CLCN1: variants seen among roughly 807,000 people sequenced by gnomAD.
CLCN1 encodes the protein chloride channel protein 1.
CLCN1 carries 100 observed loss-of-function variants against 114.5 expected under a neutral mutation model. The observed-to-expected ratio is 0.87, with a 90% CI of 0.74 to 1.03. The LOEUF (loss-of-function observed/expected upper bound fraction) is 1.03. Ranked by LOEUF, CLCN1 falls within the 50% of genes least tolerant of loss-of-function variation. The pLI is 0.00. For synonymous variants in CLCN1, 485 were observed against 487.1 expected, an observed-to-expected ratio of 1.00 and a Z score of 0.06; for missense variants, 1,188 against 1,250.0, an observed-to-expected ratio of 0.95 and a Z score of 0.75.
In CLCN1 at chr7:143,352,016, G is replaced by A. The variant is rs1803428669; in HGVS notation, c.*51G>A. 1 of 1,610,746 alleles carries A rather than the reference G, an allele frequency of 6.2e-7. No individual in the cohort carries two copies. The highest frequency in any genetic ancestry group is 8.5e-7 in the Non-Finnish European group (1 of 1,178,928). Reference sequence around the variant, plus strand: ...GACCGTGGAGAGGCCCAGCCTGAGGGTGAACTTGTGTGGGGCAGGGTGCGT... The same window carrying A: ...GACCGTGGAGAGGCCCAGCCTGAGGATGAACTTGTGTGGGGCAGGGTGCGT... On this transcript the variant is annotated 3_prime_UTR_variant, in exon 23 of 23. Coordinates refer to ENST00000343257, the MANE Select transcript of CLCN1 (RefSeq NM_000083.3).
chr7:143,350,623 G>A lies in CLCN1; in HGVS notation c.2564G>A (p.Gly855Glu), dbSNP rs1554439879. The A allele has an allele frequency of 6.2e-7, 1 of 1,614,162 alleles. No individual in the cohort carries two copies. Among genetic ancestry groups the A allele is most frequent in the Non-Finnish European group, 8.5e-7 (1 of 1,180,026 alleles). ...GLHLAYVTSM[G>E]KLRGVLALEE... ...CACCTCGCTTACGTGACCAGCATGG[G>A]GAAGCTCAGGGGCGTCCTGGCCCTG... Residue 855 changes from glycine to glutamate, a missense_variant, in exon 22 of 23, where the codon GGG becomes GAG. Transcript: ENST00000343257. This position sits in a 1 kb window ranked among gnomAD's most constrained non-coding sequence, Gnocchi z 5.1.
chr7:143,337,807 C>CTTTTTTTTTTTT (rs869078445), intron 12 of CLCN1, among the ~76,000 whole-genome samples: 3 of 46,078 alleles, frequency 6.5e-5, no homozygotes, highest in Non-Finnish European at 1.2e-4. Context: ...TTTCTCAATT[C>CTTTTTTTTTTTT]TTTTTTTTTT....
chr7:143,332,539 A>G, intron 11 of CLCN1, 36 bp downstream of exon 11: 1 of 1,564,308 alleles, frequency 6.4e-7, no homozygotes, highest in African/African-American at 1.4e-5. Flanking sequence ...TAAAGAGGAA[A>G]CAGCACAGAT....
chr7:143,331,529 A>G (rs529033602), intron 9 of CLCN1, 22 bp from the exon 10 acceptor site: 4 of 1,543,300 alleles, frequency 2.6e-6, no homozygotes, highest in African/African-American at 2.7e-5. Flanking sequence ...TAAGATTCCA[A>G]CTCTATAAAT....
rs1279308253 is a variant in CLCN1 at position 143,350,934 on chromosome 7, C to T, written c.2595+280C>T. Among the ~76,000 whole-genome samples, 4 of 152,098 alleles carry T rather than the reference C, an allele frequency of 2.6e-5. No individual in the cohort carries two copies. The highest frequency in any genetic ancestry group is 5.9e-5 in the Non-Finnish European group (4 of 68,030). On this transcript the variant is annotated intron_variant, in intron 22 of 22. Transcript: ENST00000343257. This position sits in a 1 kb window ranked among gnomAD's most constrained non-coding sequence, Gnocchi z 5.1. ...CTGGGATTACAGGCGCCCGCTACCA[C>T]ACCCGCTAATTTTTTGTATTTTTAG...
chr7:143,338,964 G>A (rs554040755), intron 12 of CLCN1, among the ~76,000 whole-genome samples: 1 of 152,302 alleles, frequency 6.6e-6, no homozygotes, highest in East Asian at 1.9e-4. Context: ...GTACTCCGGG[G>A]CTCCATTCCT....
chr7:143,333,895 C>T (rs1034791324), intron 12 of CLCN1, among the ~76,000 whole-genome samples: 1 of 152,124 alleles, frequency 6.6e-6, no homozygotes, highest in Non-Finnish European at 1.5e-5. Context: ...TTTATTTCTA[C>T]CCCTGGTTGT....
rs539404339 is a variant in CLCN1, at chr7:143,346,170, A to G, written c.2203A>G (p.Thr735Ala). ...TCCTTCCCTTGCTCTCCACCCCTCTACTACTGCCCCTCTGTCCCCAGAAGA... is the reference window on the plus strand; with the variant it reads ...TCCTTCCCTTGCTCTCCACCCCTCTGCTACTGCCCCTCTGTCCCCAGAAGA... Reference protein sequence around the residue: ...LPPSLALHPSTTAPLSPEEPN... With the variant: ...LPPSLALHPSATAPLSPEEPN... The change falls in exon 18 of 23, where the codon ACT becomes GCT. Residue 735 changes from threonine (T) to alanine (A), a missense_variant. Thr to Ala is a moderately conservative substitution (Grantham distance 58, BLOSUM62 0). Transcript: ENST00000343257. 1.9e-6 allele frequency: 3 copies of G among 1,612,528 alleles called. No individual in the cohort carries two copies. The highest frequency in any genetic ancestry group is 2.5e-6 in the Non-Finnish European group (3 of 1,178,874).
At chr7:143,337,658 G>A (rs1452007828) in intron 12 of CLCN1, among the ~76,000 whole-genome samples, 1 of 152,070 alleles carries the variant, frequency 6.6e-6, no homozygotes, top group African/African-American at 2.4e-5. Context: ...TAATAAGTTT[G>A]AGATCCATTT....
In CLCN1 at chr7:143,331,595, G is replaced by C. The variant is rs143009041; in HGVS notation, c.1109G>C (p.Arg370Pro). 6.2e-7 allele frequency: 1 copy of C among 1,614,054 alleles called. No homozygotes were observed. Among genetic ancestry groups the C allele is most frequent in the Admixed American group, 1.7e-5 (1 of 60,018 alleles). ...GGAGCTGTATTTGTGTATCTGCATC[G>C]CCAAGTCATGCTCGGTGTCCGAAAG... ...LLGAVFVYLHRQVMLGVRKHK... is the reference protein window; with the variant it reads ...LLGAVFVYLHPQVMLGVRKHK... The change falls in exon 10 of 23, where the codon CGC (arginine) becomes CCC (proline). Residue 370 changes from arginine to proline, a missense_variant. Coordinates refer to ENST00000343257, the MANE Select transcript of CLCN1 (RefSeq NM_000083.3).
At position 143,330,813 on chromosome 7, in the gene CLCN1, G is replaced by A. The variant is rs202179484; in HGVS notation, c.895G>A (p.Val299Ile). ...SIEVTSTYFA[V>I]RNYWRGFFAA... The stretch of plus-strand genomic sequence containing the variant: ...CGAGGTCACCTCCACCTACTTTGCT[G>A]TTCGGAACTACTGGAGAGGATTCTT... Residue 299 changes from valine (V) to isoleucine (I), a missense_variant, in exon 8 of 23, where the codon GTT (valine) becomes ATT (isoleucine). Coordinates refer to ENST00000343257, the MANE Select transcript of CLCN1 (RefSeq NM_000083.3). 6.2e-7 allele frequency: 1 copy of A among 1,614,204 alleles called. No individual in the cohort carries two copies. Among genetic ancestry groups the A allele is most frequent in the East Asian group, 2.2e-5 (1 of 44,884 alleles).
chr7:143,336,843 T>A (rs916464041), intron 12 of CLCN1, among the ~76,000 whole-genome samples: 1 of 152,296 alleles, frequency 6.6e-6, no homozygotes, highest in Admixed American at 6.5e-5. Flanking sequence ...TACACATATC[T>A]TGGAGGATAA....
rs1045456680 is a variant in CLCN1 at position 143,339,468 on chromosome 7, C to T, written c.1472-43C>T. ...GGTTCTGAAAACTGAGAGCAAGGAA[C>T]TTGGATCTCGTAACACCTTCCTTCC... is the stretch of plus-strand genomic sequence containing the variant. On this transcript the variant is annotated intron_variant, in intron 13 of 22. Coordinates refer to ENST00000343257, the MANE Select transcript of CLCN1 (RefSeq NM_000083.3). This position sits in a 1 kb window ranked among gnomAD's most constrained non-coding sequence, Gnocchi z 4.1. 2 of 1,511,000 alleles carry T rather than the reference C, an allele frequency of 1.3e-6. No homozygotes were observed. The highest frequency in any genetic ancestry group is 2.7e-5 in the African/African-American group (2 of 72,828). 93.6% of individuals were successfully genotyped at this position (1,511,000 alleles called of 1,614,324 possible).
Position 143,316,239 on chromosome 7 carries a change from TG to T in CLCN1, c.32del (p.Gly11ValfsTer66). The T allele has an allele frequency of 6.2e-7, 1 of 1,613,244 alleles. No homozygotes were observed. Among genetic ancestry groups the T allele is most frequent in the Non-Finnish European group, 8.5e-7 (1 of 1,179,668 alleles). ...TGGAGCAATCCCGGTCACAGCAGCGTGGGGGTGAACAAAGCTGGTGGGGTAG... is the reference window on the plus strand; with the variant it reads ...TGGAGCAATCCCGGTCACAGCAGCGTGGGGTGAACAAAGCTGGTGGGGTAG... MEQSRSQQR[G>X]GEQSWWGSDP... On this transcript the variant is annotated frameshift_variant, in exon 1 of 23. Coordinates refer to ENST00000343257, the MANE Select transcript of CLCN1 (RefSeq NM_000083.3). LOFTEE classifies it high-confidence loss of function.
At position 143,345,706 on chromosome 7, in the gene CLCN1, G is replaced by C. The variant is rs971824036; in HGVS notation, c.2116G>C (p.Glu706Gln). The C allele has an allele frequency of 1.3e-6, 2 of 1,566,822 alleles. No homozygotes were observed. Among genetic ancestry groups the C allele is most frequent in the Non-Finnish European group, 1.7e-6 (2 of 1,157,506 alleles). The stretch of plus-strand genomic sequence containing the variant: ...CCCCGGCGCGCCTCCAGGCCGGCCC[G>C]AGTCCTTCGCCTTTGTGGATGAGGA... ...GLPGAPPGRP[E>Q]SFAFVDEDED... is the part of the protein sequence containing the mutation. The change falls in exon 17 of 23, where the codon GAG (glutamate) becomes CAG (glutamine). Residue 706 changes from glutamate to glutamine, a missense_variant. Transcript: ENST00000343257.
rs574110932 is a variant in CLCN1, at chr7:143,334,850, T to TGAAA, written c.1401+1981_1401+1984dup. ...TTCAAAAGATTTTACATTTTTATCA[T>TGAAA]GAAAGAAGTTTTCAGTGTCTTGTTA... On this transcript the variant is annotated intron_variant, in intron 12 of 22. Transcript: ENST00000343257. 1.1e-4 allele frequency among the ~76,000 whole-genome samples: 16 copies of TGAAA among 152,358 alleles called. No homozygotes were observed. The South Asian group carries it at 1.9e-3, about 18-fold the overall frequency.
At chr7:143,334,421 G>A (rs1457677085) in intron 12 of CLCN1, among the ~76,000 whole-genome samples, 1 of 152,028 alleles carries the variant, frequency 6.6e-6, no homozygotes, top group East Asian at 1.9e-4. Flanking sequence ...TGTTTTCCCA[G>A]GATATGAGTC....
At chr7:143,347,218 C>T (rs1206423701) in intron 20 of CLCN1, among the ~76,000 whole-genome samples, 3 of 152,078 alleles carry the variant, frequency 2.0e-5, no homozygotes, top group African/African-American at 7.2e-5. Context: ...AGATGAGCCC[C>T]AGATCTTTTA....
At position 143,339,438 on chromosome 7, in the gene CLCN1, A is replaced by G; in HGVS notation, c.1472-73A>G. On this transcript the variant is annotated intron_variant, in intron 13 of 22. Coordinates refer to ENST00000343257, the MANE Select transcript of CLCN1 (RefSeq NM_000083.3). This position sits in a 1 kb window ranked among gnomAD's most constrained non-coding sequence, Gnocchi z 4.1. ...ATATTTGTTCTTAATGCCCAAGGAG[A>G]GATTGGTTCTGAAAACTGAGAGCAA... is the stretch of plus-strand genomic sequence containing the variant. 4 of 1,385,106 alleles carry G rather than the reference A, an allele frequency of 2.9e-6. No individual in the cohort carries two copies. The highest frequency in any genetic ancestry group is 4.1e-6 in the Non-Finnish European group (4 of 971,424). 85.8% of individuals were successfully genotyped at this position (1,385,106 alleles called of 1,614,324 possible).
Sources: gnomAD v4.1 joint callset for allele counts (sites outside exome capture counted in the v4.1 genomes callset) on GRCh38, gnomAD v4.1.1 for gene constraint, Gnocchi (gnomAD v3.1) non-coding constraint, MANE v1.5 for transcripts, NCBI Gene and HGNC (gene_info 2026-07-23, HGNC 2026-07-21) for gene names.